TIMP2: variants seen among roughly 807,000 people sequenced by gnomAD.
TIMP2 encodes metalloproteinase inhibitor 2.
TIMP2 carries 5 observed loss-of-function variants against 24.3 expected under a neutral mutation model. That is an observed-to-expected ratio of 0.21 (90% confidence interval 0.11 to 0.43). The LOEUF (loss-of-function observed/expected upper bound fraction) is 0.43, where lower values mean the gene tolerates loss of function less well. Among genes scored for constraint, TIMP2 ranks in the 20% least tolerant of loss-of-function variants. TIMP2 has a pLI of 1.00. For synonymous variants in TIMP2, 130 were observed against 123.2 expected (o/e 1.06, Z -0.37); for missense variants, 221 against 297.5 (o/e 0.74, Z 1.89).
At chr17:78,889,011 T>C (rs145152880) in intron 1 of TIMP2, among the ~76,000 whole-genome samples, 251 of 152,284 alleles carry the variant, frequency 1.6e-3, no homozygotes, top group African/African-American at 5.7e-3. Context: ...ATCAGCAAAC[T>C]ATGGCACAAA....
chr17:78,891,620 C>T lies in TIMP2; in HGVS notation c.131-17701G>A, dbSNP rs564784149. 5.8e-6 allele frequency: 9 copies of T among 1,550,808 alleles called. No individual in the cohort carries two copies. The highest frequency in any genetic ancestry group is 2.4e-5 in the East Asian group (1 of 40,934). ...CCCCTCCAGACTCTGTCCCTGAGAG[C>T]GACTGGTCAGGGCTGGAACAAAGCA... is the stretch of plus-strand genomic sequence containing the variant. On this transcript the variant is annotated intron_variant, in intron 1 of 4. Transcript: ENST00000262768. The surrounding 1 kb of genome is among the most constrained non-coding windows in gnomAD (Gnocchi z 4.5).
At chr17:78,887,788 C>T (rs1338652679) in intron 1 of TIMP2, among the ~76,000 whole-genome samples, 1 of 151,818 alleles carries the variant, frequency 6.6e-6, no homozygotes, top group Admixed American at 6.6e-5. Flanking sequence ...GGGATCTTTC[C>T]CACACCTACA....
intron 1 of TIMP2, among the ~76,000 whole-genome samples, chr17:78,910,982 T>G (rs1254162880): frequency 6.6e-6 from 1 of 152,220 alleles, no homozygotes; most frequent in South Asian, 2.1e-4. Context: ...AAATGCCCAG[T>G]CGTGGGACTG....
chr17:78,916,326 TC>T (rs2070257518), intron 1 of TIMP2, among the ~76,000 whole-genome samples: 1 of 152,144 alleles, frequency 6.6e-6, no homozygotes, highest in African/African-American at 2.4e-5. Context: ...TACTGCTGGC[TC>T]CCTTCCCCCT....
At chr17:78,861,906 C>T (rs2069570047) in intron 3 of TIMP2, among the ~76,000 whole-genome samples, 2 of 152,058 alleles carry the variant, frequency 1.3e-5, no homozygotes, top group African/African-American at 2.4e-5. Context: ...CTAACATGAA[C>T]GTGGCTGTCA....
At chr17:78,865,836 T>A (rs146798327) in intron 3 of TIMP2, among the ~76,000 whole-genome samples, 72 of 152,178 alleles carry the variant, frequency 4.7e-4, no homozygotes, top group African/African-American at 1.7e-3. Flanking sequence ...TGGGCGAGGA[T>A]TCAGCTGGGT....
intron 3 of TIMP2, among the ~76,000 whole-genome samples, chr17:78,861,482 T>C (rs1314270284): frequency 2.6e-5 from 4 of 152,240 alleles, no homozygotes; most frequent in Non-Finnish European, 5.9e-5. Context: ...CTTGTTCTAA[T>C]GATATGCTTC....
At chr17:78,882,038 C>T (rs2145761213) in intron 1 of TIMP2, among the ~76,000 whole-genome samples, 1 of 152,314 alleles carries the variant, frequency 6.6e-6, no homozygotes, top group Admixed American at 6.5e-5. Flanking sequence ...GACGTTGGCT[C>T]ACTGCAACCT....
intron 1 of TIMP2, among the ~76,000 whole-genome samples, chr17:78,894,201 C>CT (rs199648461): frequency 0.015 from 2,304 of 152,026 alleles, 25 homozygotes; most frequent in African/African-American, 0.028. Flanking sequence ...CTACCCCCCC[C>CT]GGTTCACAGA....
At position 78,871,576 on chromosome 17, in the gene TIMP2, G is replaced by T. The variant is rs780648650; in HGVS notation, c.232-570C>A. On this transcript the variant is annotated intron_variant, in intron 2 of 4. Transcript: ENST00000262768. ...ACAAGACTCATCTGTGCCGGGCGAA[G>T]TGGCTCACACCAGTAATCCCAGCAC... Among the ~76,000 whole-genome samples the T allele has an allele frequency of 5.3e-5, 8 of 152,020 alleles. No individual in the cohort carries two copies. In the South Asian group the frequency reaches 1.2e-3, roughly 24 times the overall value.
chr17:78,897,673 G>A (rs1206722697), intron 1 of TIMP2: 1 of 152,290 alleles, frequency 6.6e-6, no homozygotes, highest in East Asian at 1.9e-4. Flanking sequence ...TGGCAAGCAT[G>A]GCCATCCCTG....
At position 78,855,620 on chromosome 17, in the gene TIMP2, C is replaced by G; in HGVS notation, c.*47G>C. On this transcript the variant is annotated 3_prime_UTR_variant, in exon 5 of 5. Coordinates refer to ENST00000262768, the MANE Select transcript of TIMP2 (RefSeq NM_003255.5). This position sits in a 1 kb window ranked among gnomAD's most constrained non-coding sequence, Gnocchi z 6.0. ...TGTCAGAGCTGGACCAGTCGAAACC[C>G]TTGGAGGCTTTTTTTGCAGTTGGCC... 2 of 1,604,838 alleles carry G rather than the reference C, an allele frequency of 1.2e-6. No individual in the cohort carries two copies. The highest frequency in any genetic ancestry group is 1.7e-6 in the Non-Finnish European group (2 of 1,176,256).
intron 1 of TIMP2, among the ~76,000 whole-genome samples, chr17:78,883,762 C>T (rs1414668122): frequency 6.6e-6 from 1 of 152,188 alleles, no homozygotes; most frequent in African/African-American, 2.4e-5. Flanking sequence ...TCTATCAGAG[C>T]ACCTCAGCCA....
chr17:78,916,054 C>G (rs2070255295), intron 1 of TIMP2, among the ~76,000 whole-genome samples: 1 of 152,216 alleles, frequency 6.6e-6, no homozygotes, highest in South Asian at 2.1e-4. Flanking sequence ...TCCCTGGCTG[C>G]TCCCAGGCCT....
At position 78,853,897 on chromosome 17, in the gene TIMP2, A is replaced by T. The variant is rs1402851638; in HGVS notation, c.*1770T>A. The stretch of plus-strand genomic sequence containing the variant: ...TTGGAGGGGTCTGGTGGAGTTGTAT[A>T]TACTGAAATCACATGGACTGGTCCA... On this transcript the variant is annotated 3_prime_UTR_variant, in exon 5 of 5. Coordinates refer to ENST00000262768, the MANE Select transcript of TIMP2 (RefSeq NM_003255.5). 6.6e-6 allele frequency: 1 copy of T among 152,438 alleles called. No individual in the cohort carries two copies. The highest frequency in any genetic ancestry group is 2.4e-5 in the African/African-American group (1 of 41,458). 9.4% of individuals were successfully genotyped at this position (152,438 alleles called of 1,614,324 possible). A position where few individuals can be genotyped will look rare whatever the true frequency, so the allele number is the denominator to read the frequency against.
chr17:78,899,272 A>G (rs73395178), intron 1 of TIMP2: 2,104 of 152,966 alleles, frequency 0.014, 49 homozygotes, highest in African/African-American at 0.048. Context: ...AAGCCTCCCA[A>G]TCAGCCTCTC....
chr17:78,882,079 C>T (rs1352337781), intron 1 of TIMP2, among the ~76,000 whole-genome samples: 1 of 152,236 alleles, frequency 6.6e-6, no homozygotes, highest in East Asian at 1.9e-4. Context: ...ATTCTCCTGC[C>T]TCAGCCTCTG....
intron 1 of TIMP2, among the ~76,000 whole-genome samples, chr17:78,885,769 CTG>C (rs1249434253): frequency 6.6e-6 from 1 of 152,186 alleles, no homozygotes; most frequent in Admixed American, 6.5e-5. Flanking sequence ...CACCTAGCTG[CTG>C]GCAAATGGCA....
At chr17:78,860,078 A>G (rs2069555733) in intron 3 of TIMP2, among the ~76,000 whole-genome samples, 1 of 152,154 alleles carries the variant, frequency 6.6e-6, no homozygotes, top group South Asian at 2.1e-4. Flanking sequence ...CAGGAGGCTG[A>G]GGCAGGAGAA....
Sources: allele counts gnomAD v4.1 joint callset (sites outside exome capture counted in the v4.1 genomes callset), GRCh38; gene constraint gnomAD v4.1.1; non-coding constraint Gnocchi (gnomAD v3.1); transcripts MANE v1.5; gene names NCBI Gene and HGNC (gene_info 2026-07-23, HGNC 2026-07-21).